The following VWC2L variants were observed in gnomAD, a reference collection of about 807,000 sequenced individuals.
VWC2L encodes the protein von Willebrand factor C domain-containing protein 2-like.
A neutral mutation model predicts 21.6 loss-of-function variants in VWC2L; 10 were observed. The observed-to-expected ratio is 0.46, with a 90% CI of 0.29 to 0.78. The LOEUF (loss-of-function observed/expected upper bound fraction) is 0.78. VWC2L is among the 30% of genes least tolerant of loss of function. The probability of loss-of-function intolerance (pLI) is 0.10; values close to 1 mark genes in which losing one functional copy is unlikely to be tolerated. For missense variants in VWC2L, 209 were observed against 277.1 expected, an observed-to-expected ratio of 0.75 and a Z score of 1.74; for synonymous variants, 96 against 94.3, an observed-to-expected ratio of 1.02 and a Z score of -0.10.
intron 3 of VWC2L, among the ~76,000 whole-genome samples, chr2:214,520,120 C>T (rs570605358): frequency 1.0e-4 from 15 of 149,580 alleles, no homozygotes; most frequent in Non-Finnish European, 2.1e-4. Context: ...TTACATAGGT[C>T]CATTTCTCAA....
At chr2:214,552,789 T>C (rs1689814874) in intron 3 of VWC2L, among the ~76,000 whole-genome samples, 1 of 152,210 alleles carries the variant, frequency 6.6e-6, no homozygotes, top group African/African-American at 2.4e-5. Flanking sequence ...AAATGATGCC[T>C]CAAGAGCAAA....
At position 214,436,497 on chromosome 2, in the gene VWC2L, G is replaced by T; in HGVS notation, c.391-132G>T. On this transcript the variant is annotated intron_variant, in intron 2 of 3. Coordinates refer to ENST00000312504, the MANE Select transcript of VWC2L (RefSeq NM_001080500.4). ...TGCCTTCCACCAAGGGAGAATGATC[G>T]TAGACATGGTAAATGGAATTAATAC... is the stretch of plus-strand genomic sequence containing the variant. 2.5e-6 allele frequency: 3 copies of T among 1,176,796 alleles called. No homozygotes were observed. In the South Asian group the frequency reaches 4.8e-5, roughly 19 times the overall value. 72.9% of individuals were successfully genotyped at this position (1,176,796 alleles called of 1,614,324 possible).
At chr2:214,487,681 C>G (rs1413409709) in intron 3 of VWC2L, among the ~76,000 whole-genome samples, 2 of 152,146 alleles carry the variant, frequency 1.3e-5, no homozygotes, top group African/African-American at 2.4e-5. Context: ...GCAAGAGTCC[C>G]TGGAGCAAGT....
chr2:214,459,096 G>T (rs898040517), intron 3 of VWC2L, among the ~76,000 whole-genome samples: 64 of 152,158 alleles, frequency 4.2e-4, no homozygotes, highest in African/African-American at 1.5e-3. Context: ...GGATACTCTG[G>T]TGTTGGTGCA....
At chr2:214,418,975 T>C (rs1702395929) in intron 2 of VWC2L, among the ~76,000 whole-genome samples, 1 of 152,190 alleles carries the variant, frequency 6.6e-6, no homozygotes, top group Admixed American at 6.5e-5. Flanking sequence ...CTGTACTGTC[T>C]CACCCTATGC....
chr2:214,506,518 C>A (rs1271687899), intron 3 of VWC2L, among the ~76,000 whole-genome samples: 1 of 152,114 alleles, frequency 6.6e-6, no homozygotes, highest in Non-Finnish European at 1.5e-5. Context: ...TTGTATCTTT[C>A]TGCAGAGCAA....
intron 3 of VWC2L, among the ~76,000 whole-genome samples, chr2:214,491,456 A>T (rs1352220351): frequency 6.6e-6 from 1 of 152,222 alleles, no homozygotes; most frequent in African/African-American, 2.4e-5. Context: ...AAAGCCAAAG[A>T]TTTTGTAAGA....
intron 3 of VWC2L, among the ~76,000 whole-genome samples, chr2:214,566,453 C>T (rs577739416): frequency 6.6e-6 from 1 of 152,322 alleles, no homozygotes; most frequent in Non-Finnish European, 1.5e-5. Context: ...CTCTCTAGAG[C>T]TCTCAGACTG....
chr2:214,574,119 G>C (rs1314920823), intron 3 of VWC2L, among the ~76,000 whole-genome samples: 1 of 152,160 alleles, frequency 6.6e-6, no homozygotes, highest in East Asian at 1.9e-4. Context: ...TCCAGTCTAG[G>C]TGACAGAGTG....
intron 2 of VWC2L, among the ~76,000 whole-genome samples, chr2:214,429,392 G>C (rs1298187018): frequency 6.6e-6 from 1 of 152,116 alleles, no homozygotes; most frequent in African/African-American, 2.4e-5. Flanking sequence ...AAGTATAGGT[G>C]TGATACTTCA....
chr2:214,572,953 TAC>T (rs1478780972), intron 3 of VWC2L, among the ~76,000 whole-genome samples: 2 of 152,226 alleles, frequency 1.3e-5, no homozygotes, highest in African/African-American at 4.8e-5. Context: ...TCAATCAATA[TAC>T]AGTCATTAAT....
intron 3 of VWC2L, among the ~76,000 whole-genome samples, chr2:214,549,500 C>T (rs532670096): frequency 2.6e-5 from 4 of 152,222 alleles, no homozygotes; most frequent in Non-Finnish European, 5.9e-5. Flanking sequence ...TTAGGCCAGG[C>T]GCAGTGGCTC....
chr2:214,469,996 T>A (rs915755726), intron 3 of VWC2L, among the ~76,000 whole-genome samples: 1 of 152,170 alleles, frequency 6.6e-6, no homozygotes, highest in Non-Finnish European at 1.5e-5. Context: ...GAAATTTTGA[T>A]ACCTTAAACA....
At chr2:214,570,895 T>C (rs150112066) in intron 3 of VWC2L, among the ~76,000 whole-genome samples, 6 of 152,296 alleles carry the variant, frequency 3.9e-5, no homozygotes, top group Non-Finnish European at 5.9e-5. Flanking sequence ...TCCTGAGTTA[T>C]GGGCCACTTT....
intron 3 of VWC2L, among the ~76,000 whole-genome samples, chr2:214,461,269 G>T (rs1703136419): frequency 6.6e-6 from 1 of 152,194 alleles, no homozygotes; most frequent in Non-Finnish European, 1.5e-5. Flanking sequence ...GCCAGAAGTA[G>T]CAGCAATGGC....
In VWC2L at chr2:214,486,514, GC is replaced by G. The variant is rs555647988; in HGVS notation, c.520+49760del. Among the ~76,000 whole-genome samples the G allele has an allele frequency of 5.3e-5, 8 of 152,216 alleles. No homozygotes were observed. The South Asian group carries it at 1.7e-3, about 32-fold the overall frequency. On this transcript the variant is annotated intron_variant, in intron 3 of 3. Transcript: ENST00000312504. ...CTGCTTCATAGAACTGCTCAGAACAGCCCCTTACTGCACTGGTAATTACATA... is the reference window on the plus strand; with the variant it reads ...CTGCTTCATAGAACTGCTCAGAACAGCCCTTACTGCACTGGTAATTACATA...
At chr2:214,543,331 T>C (rs1157910756) in intron 3 of VWC2L, among the ~76,000 whole-genome samples, 2 of 152,236 alleles carry the variant, frequency 1.3e-5, no homozygotes, top group African/African-American at 2.4e-5. Flanking sequence ...GGTTTAATCA[T>C]ATAAAACTTA....
intron 2 of VWC2L, among the ~76,000 whole-genome samples, chr2:214,423,176 C>G (rs1283827661): frequency 6.6e-6 from 1 of 151,828 alleles, no homozygotes; most frequent in Non-Finnish European, 1.5e-5. Context: ...GATTTTATTT[C>G]TAGTATCTGC....
chr2:214,539,739 T>C (rs1049248372), intron 3 of VWC2L, among the ~76,000 whole-genome samples: 3 of 152,168 alleles, frequency 2.0e-5, no homozygotes, highest in Admixed American at 6.6e-5. Flanking sequence ...ACACGAACTT[T>C]CCTGGAACAG....
Sources: allele counts gnomAD v4.1 joint callset (sites outside exome capture counted in the v4.1 genomes callset), GRCh38; gene constraint gnomAD v4.1.1; transcripts MANE v1.5; gene names NCBI Gene and HGNC (gene_info 2026-07-23, HGNC 2026-07-21).